CDH4: variants seen among roughly 807,000 people sequenced by gnomAD.
The protein encoded by CDH4 is cadherin 4.
A neutral mutation model predicts 86.0 loss-of-function variants in CDH4; 33 were observed. The observed-to-expected ratio is 0.38, with a 90% CI of 0.29 to 0.51. The LOEUF is 0.51. Ranked by LOEUF, CDH4 falls within the 20% of genes least tolerant of loss-of-function variation. The pLI is 0.86. For missense variants in CDH4, 1,114 were observed against 1,307.4 expected, an observed-to-expected ratio of 0.85 and a Z score of 2.28; for synonymous variants, 555 against 549.4, an observed-to-expected ratio of 1.01 and a Z score of -0.14.
At chr20:61,373,357 G>A (rs765160192) in intron 2 of CDH4, among the ~76,000 whole-genome samples, 4 of 152,248 alleles carry the variant, frequency 2.6e-5, no homozygotes, top group South Asian at 2.1e-4. Context: ...GCTTGCACCC[G>A]TTGAATGAAA....
chr20:61,498,452 G>A (rs888990359), intron 2 of CDH4, among the ~76,000 whole-genome samples: 2 of 152,108 alleles, frequency 1.3e-5, no homozygotes, highest in Admixed American at 6.6e-5. Context: ...TCCGACTTCC[G>A]GTGACACCTT....
chr20:61,885,780 G>A (rs993992726), intron 7 of CDH4, among the ~76,000 whole-genome samples: 4 of 152,298 alleles, frequency 2.6e-5, no homozygotes, highest in South Asian at 4.1e-4. Flanking sequence ...CTCAGGCTCC[G>A]GACAGACCCC....
intron 2 of CDH4, among the ~76,000 whole-genome samples, chr20:61,464,872 G>A (rs1022140765): frequency 2.0e-5 from 3 of 152,206 alleles, no homozygotes; most frequent in African/African-American, 4.8e-5. Flanking sequence ...TGAGAACAAA[G>A]AAGCCGGCTT....
chr20:61,924,405 C>T lies in CDH4; in HGVS notation c.1700C>T (p.Ala567Val). 2 of 1,613,886 alleles carry T rather than the reference C, an allele frequency of 1.2e-6. No individual in the cohort carries two copies. Among genetic ancestry groups the T allele is most frequent in the Non-Finnish European group, 1.7e-6 (2 of 1,179,950 alleles). Residue 567 changes from alanine to valine, a missense_variant, in exon 11 of 16, where the codon GCA (alanine) becomes GTA (valine). Transcript: ENST00000614565. ...NATNGQITTA[A>V]VLDRESLYTK... Reference sequence around the variant, plus strand: ...ACCAACGGCCAGATCACCACGGCGGCAGTGCTGGACCGTGAGTCCCTCTAC... The same window carrying T: ...ACCAACGGCCAGATCACCACGGCGGTAGTGCTGGACCGTGAGTCCCTCTAC...
intron 2 of CDH4, among the ~76,000 whole-genome samples, chr20:61,632,117 G>A (rs897803535): frequency 2.0e-5 from 3 of 152,250 alleles, no homozygotes; most frequent in Non-Finnish European, 4.4e-5. Flanking sequence ...GCACACCGGG[G>A]CAGGCTCTGA....
chr20:61,589,748 C>G (rs1296474509), intron 2 of CDH4, among the ~76,000 whole-genome samples: 1 of 151,802 alleles, frequency 6.6e-6, no homozygotes, highest in East Asian at 1.9e-4. Context: ...CTAATGTTAT[C>G]CCTCCCCTCT....
chr20:61,415,463 C>G lies in CDH4; in HGVS notation c.169+160526C>G, dbSNP rs2085141430. On this transcript the variant is annotated intron_variant, in intron 2 of 15. Transcript: ENST00000614565. The stretch of plus-strand genomic sequence containing the variant: ...CACAGAGTCATGGAAACCATGGCCA[C>G]TGTCCATCTCCAGAATTTTTATATC... 3.3e-5 allele frequency among the ~76,000 whole-genome samples: 5 copies of G among 152,182 alleles called. No individual in the cohort carries two copies. In the South Asian group the frequency reaches 1.0e-3, roughly 32 times the overall value.
At chr20:61,394,903 C>T (rs898660949) in intron 2 of CDH4, among the ~76,000 whole-genome samples, 6 of 139,446 alleles carry the variant, frequency 4.3e-5, no homozygotes, top group Admixed American at 1.6e-4. Context: ...CCCTGTCACC[C>T]CCACCCCGCC....
At chr20:61,560,119 C>T (rs1203309944) in intron 2 of CDH4, among the ~76,000 whole-genome samples, 1 of 152,032 alleles carries the variant, frequency 6.6e-6, no homozygotes, top group Non-Finnish European at 1.5e-5. Flanking sequence ...CTTATCTGGT[C>T]GGCGGAGACA....
chr20:61,470,663 G>A (rs1422403241), intron 2 of CDH4, among the ~76,000 whole-genome samples: 1 of 152,062 alleles, frequency 6.6e-6, no homozygotes, highest in Non-Finnish European at 1.5e-5. Flanking sequence ...TATGACACTG[G>A]CAGTGAGTCT....
At chr20:61,355,688 T>C (rs1047748349) in intron 2 of CDH4, among the ~76,000 whole-genome samples, 1 of 152,224 alleles carries the variant, frequency 6.6e-6, no homozygotes, top group African/African-American at 2.4e-5. Context: ...GGAGAAACCA[T>C]GTAGACATGC....
chr20:61,264,684 A>G (rs1364475363), intron 2 of CDH4, among the ~76,000 whole-genome samples: 1 of 147,246 alleles, frequency 6.8e-6, no homozygotes, highest in African/African-American at 2.5e-5. Flanking sequence ...TCAATCTTAC[A>G]CATATCTCAG....
chr20:61,522,662 C>T (rs926329996), intron 2 of CDH4, among the ~76,000 whole-genome samples: 1 of 152,204 alleles, frequency 6.6e-6, no homozygotes, highest in Non-Finnish European at 1.5e-5. Context: ...GCACGCACGG[C>T]GCAGTCCGGG....
At chr20:61,311,677 G>T (rs879750055) in intron 2 of CDH4, among the ~76,000 whole-genome samples, 4 of 152,188 alleles carry the variant, frequency 2.6e-5, no homozygotes, top group Admixed American at 2.6e-4. Context: ...AAGACCTATG[G>T]GTTGGATGTA....
chr20:61,336,694 A>G (rs1226237487), intron 2 of CDH4, among the ~76,000 whole-genome samples: 1 of 152,166 alleles, frequency 6.6e-6, no homozygotes, highest in East Asian at 1.9e-4. Flanking sequence ...GAGATTGTCA[A>G]TGTAGATTCT....
intron 2 of CDH4, among the ~76,000 whole-genome samples, chr20:61,432,109 T>C (rs973051000): frequency 9.2e-5 from 14 of 152,234 alleles, no homozygotes; most frequent in African/African-American, 1.4e-4. Flanking sequence ...TCCACATTCT[T>C]ATATGAGTCC....
At chr20:61,406,206 C>G (rs574564872) in intron 2 of CDH4, among the ~76,000 whole-genome samples, 2 of 152,268 alleles carry the variant, frequency 1.3e-5, no homozygotes, top group South Asian at 2.1e-4. Flanking sequence ...TGGTTTCACC[C>G]CAGACCACCA....
At chr20:61,762,139 C>T (rs1362104938) in intron 3 of CDH4, among the ~76,000 whole-genome samples, 1 of 152,238 alleles carries the variant, frequency 6.6e-6, no homozygotes, top group South Asian at 2.1e-4. Flanking sequence ...GGTGGACTTC[C>T]CCAAGTCAGA....
chr20:61,816,531 T>C (rs143566795), intron 4 of CDH4, among the ~76,000 whole-genome samples: 79 of 152,350 alleles, frequency 5.2e-4, no homozygotes, highest in African/African-American at 1.8e-3. Context: ...GAACCCATTC[T>C]CTCTGCTCCC....
Sources: gnomAD v4.1 joint callset for allele counts (sites outside exome capture counted in the v4.1 genomes callset) on GRCh38, gnomAD v4.1.1 for gene constraint, MANE v1.5 for transcripts, NCBI Gene and HGNC (gene_info 2026-07-23, HGNC 2026-07-21) for gene names.